PHACTR4: variants seen among roughly 807,000 people sequenced by gnomAD.
PHACTR4 encodes protein phosphatase 1, regulatory subunit 124.
In PHACTR4, 51 loss-of-function variants were observed where a neutral mutation model predicts 72.7. The ratio of observed to expected loss-of-function variants is 0.70; its 90% CI spans 0.56 to 0.89. The LOEUF is 0.89. Ranked by LOEUF, PHACTR4 falls within the 40% of genes least tolerant of loss-of-function variation. The pLI, the probability that PHACTR4 is intolerant of heterozygous loss-of-function variation, is 0.00. For synonymous variants in PHACTR4, 255 were observed against 302.5 expected (o/e 0.84, Z 1.63); for missense variants, 731 against 861.8 (o/e 0.85, Z 1.90).
chr1:28,418,796 C>A (rs1283823242), intron 2 of PHACTR4, among the ~76,000 whole-genome samples: 1 of 150,606 alleles, frequency 6.6e-6, no homozygotes, highest in Non-Finnish European at 1.5e-5. Context: ...ACTAAAAATA[C>A]AAAATTTAGC....
intron 9 of PHACTR4, among the ~76,000 whole-genome samples, chr1:28,483,360 CGATCAAGGCCCAGGA>C (rs1483653759): frequency 6.6e-6 from 1 of 151,634 alleles, no homozygotes. Context: ...AAGACCCAGG[CGATCAAGGCCCAGGA>C]GGTCAAGACT....
intron 8 of PHACTR4, among the ~76,000 whole-genome samples, chr1:28,477,276 C>T (rs971991322): frequency 6.6e-6 from 1 of 151,468 alleles, no homozygotes; most frequent in Non-Finnish European, 1.5e-5. Flanking sequence ...TTAGTAGAGG[C>T]GGCGCTTCAC....
chr1:28,384,109 G>A (rs935923346), intron 1 of PHACTR4, among the ~76,000 whole-genome samples: 1 of 152,068 alleles, frequency 6.6e-6, no homozygotes, highest in African/African-American at 2.4e-5. Flanking sequence ...CAAGAATGTT[G>A]ACCTGAAGTT....
At chr1:28,432,368 TC>T in intron 2 of PHACTR4, among the ~76,000 whole-genome samples, 2 of 133,470 alleles carry the variant, frequency 1.5e-5, no homozygotes, top group African/African-American at 6.0e-5. Flanking sequence ...GATCTCTCTC[TC>T]TCTTTTTTTT....
intron 2 of PHACTR4, among the ~76,000 whole-genome samples, chr1:28,443,865 G>C (rs1657229058): frequency 6.6e-6 from 1 of 152,026 alleles, no homozygotes; most frequent in African/African-American, 2.4e-5. Flanking sequence ...GGCTGTTGTT[G>C]AGTAGTACTA....
chr1:28,436,662 T>A (rs1656655392), intron 2 of PHACTR4, among the ~76,000 whole-genome samples: 1 of 152,230 alleles, frequency 6.6e-6, no homozygotes, highest in Non-Finnish European at 1.5e-5. Context: ...GTGGAGGTTA[T>A]GTTAAGGTTG....
intron 4 of PHACTR4, among the ~76,000 whole-genome samples, chr1:28,463,429 C>G (rs566124567): frequency 6.6e-6 from 1 of 152,124 alleles, no homozygotes; most frequent in Non-Finnish European, 1.5e-5. Flanking sequence ...GATAACTGAT[C>G]ACTTTTGCAT....
At chr1:28,482,964 G>T (rs1660373737) in intron 9 of PHACTR4, among the ~76,000 whole-genome samples, 1 of 151,012 alleles carries the variant, frequency 6.6e-6, no homozygotes, top group African/African-American at 2.4e-5. Context: ...GAGACACCTG[G>T]CTTTACTGTG....
intron 13 of PHACTR4, among the ~76,000 whole-genome samples, chr1:28,493,823 G>A (rs1661178470): frequency 6.6e-6 from 1 of 152,180 alleles, no homozygotes; most frequent in Admixed American, 6.6e-5. Flanking sequence ...ACAAGATCTT[G>A]CCCTCTCTGG....
intron 2 of PHACTR4, among the ~76,000 whole-genome samples, chr1:28,418,581 C>G (rs1026705127): frequency 1.3e-5 from 2 of 151,938 alleles, no homozygotes; most frequent in Non-Finnish European, 2.9e-5. Context: ...AGATTAAATC[C>G]AACAAATCAT....
intron 13 of PHACTR4, among the ~76,000 whole-genome samples, chr1:28,496,246 CAG>C (rs1390378321): frequency 6.6e-6 from 1 of 151,544 alleles, no homozygotes; most frequent in African/African-American, 2.4e-5. Context: ...TTAGTAGAGA[CAG>C]GGTTTCACCG....
chr1:28,448,435 G>A (rs1359758297), intron 2 of PHACTR4, among the ~76,000 whole-genome samples: 2 of 149,726 alleles, frequency 1.3e-5, no homozygotes, highest in Non-Finnish European at 3.0e-5. Context: ...AAAAAGGAAA[G>A]GAAAGGAAAG....
chr1:28,438,245 C>T, intron 2 of PHACTR4: 1 of 1,431,594 alleles, frequency 7.0e-7, no homozygotes, highest in Non-Finnish European at 9.2e-7. Context: ...GATGAACTGA[C>T]CTTATGCCAT....
intron 2 of PHACTR4, among the ~76,000 whole-genome samples, chr1:28,449,467 A>C (rs1657771711): frequency 6.6e-6 from 1 of 152,202 alleles, no homozygotes; most frequent in Non-Finnish European, 1.5e-5. Flanking sequence ...TGCAGGTATA[A>C]TATGTATCTA....
intron 2 of PHACTR4, among the ~76,000 whole-genome samples, chr1:28,412,936 G>T (rs1654876320): frequency 6.6e-6 from 1 of 152,166 alleles, no homozygotes; most frequent in Non-Finnish European, 1.5e-5. Context: ...TCCTAAGCAG[G>T]AGTACCCTGC....
chr1:28,473,008 C>T (rs1048013999), intron 6 of PHACTR4, among the ~76,000 whole-genome samples: 3 of 151,244 alleles, frequency 2.0e-5, no homozygotes, highest in Non-Finnish European at 2.9e-5. Flanking sequence ...GGTGCCATGG[C>T]TCACGCCTGT....
chr1:28,456,628 A>AT (rs544714918), intron 2 of PHACTR4, among the ~76,000 whole-genome samples: 16,885 of 144,766 alleles, frequency 0.12, 2,178 homozygotes, highest in African/African-American at 0.33. Context: ...TGCCCAACTA[A>AT]TTTTTTTTTT....
intron 8 of PHACTR4, among the ~76,000 whole-genome samples, chr1:28,478,900 GCA>G (rs1360577160): frequency 1.3e-5 from 2 of 152,184 alleles, no homozygotes; most frequent in Non-Finnish European, 2.9e-5. Context: ...TGCATTACAA[GCA>G]TGAGCCACCT....
In PHACTR4 at chr1:28,497,598, A is replaced by C. The variant is rs1661434866; in HGVS notation, c.*1049A>C. ...TATATTTTCTATATACAAAAACAAG[A>C]AAGGCGTTTTGAGCCCCTGTGCTCA... On this transcript the variant is annotated 3_prime_UTR_variant, in exon 14 of 14. Transcript: ENST00000373839. The C allele has an allele frequency of 6.6e-6, 1 of 151,588 alleles. No individual in the cohort carries two copies. The highest frequency in any genetic ancestry group is 2.4e-5 in the African/African-American group (1 of 41,272). 9.4% of individuals were successfully genotyped at this position (151,588 alleles called of 1,614,324 possible).
Sources: allele counts gnomAD v4.1 joint callset (sites outside exome capture counted in the v4.1 genomes callset), GRCh38; gene constraint gnomAD v4.1.1; transcripts MANE v1.5; gene names NCBI Gene and HGNC (gene_info 2026-07-23, HGNC 2026-07-21).